ADPRM: variants seen among roughly 807,000 people sequenced by gnomAD.
ADPRM encodes ADP-ribose/CDP-alcohol diphosphatase, manganese dependent, also known as manganese-dependent ADP-ribose/CDP-alcohol diphosphatase.
Under a neutral mutation model 27.2 loss-of-function variants are expected in ADPRM, and 17 were observed. The ratio of observed to expected loss-of-function variants is 0.63; its 90% confidence interval spans 0.43 to 0.94. The LOEUF is 0.94. Ranked by LOEUF, ADPRM falls within the 40% of genes least tolerant of loss-of-function variation. The probability of loss-of-function intolerance (pLI) is 0.00; values close to 1 mark genes in which losing one functional copy is unlikely to be tolerated. For missense variants in ADPRM, 337 were observed against 412.8 expected (o/e 0.82, Z 1.59); for synonymous variants, 135 against 145.3 (o/e 0.93, Z 0.51).
rs1306959225 is a variant in ADPRM, at chr17:10,702,680, C to A, written c.-17-2230C>A. Among the ~76,000 whole-genome samples, 1 of 152,188 alleles carries A rather than the reference C, an allele frequency of 6.6e-6. No individual in the cohort carries two copies. Among genetic ancestry groups the A allele is most frequent in the Non-Finnish European group, 1.5e-5 (1 of 68,032 alleles). On this transcript the variant is annotated intron_variant, in intron 1 of 3. Coordinates refer to ENST00000379774, the MANE Select transcript of ADPRM (RefSeq NM_020233.5). This position sits in a 1 kb window ranked among gnomAD's most constrained non-coding sequence, Gnocchi z 4.2. ...TGACCCAGGTTGAGTTACATGCCTA[C>A]CCCTAACTGGCCAGAGGAAACTGGG... is the stretch of plus-strand genomic sequence containing the variant.
chr17:10,705,016 C>T lies in ADPRM; in HGVS notation c.90C>T (p.Asp30=), dbSNP rs761123314. ...TCATCGCAGATGTTCAATTTGCAGA[C>T]TTAGAAGATGGCTTTAATTTCCAAG... ...FGVIADVQFA[D]LEDGFNFQGT... The change falls in exon 2 of 4, where the codon GAC becomes GAT. Residue 30 remains aspartate, a synonymous_variant. Transcript: ENST00000379774. This position sits in a 1 kb window ranked among gnomAD's most constrained non-coding sequence, Gnocchi z 5.4. 6.2e-7 allele frequency: 1 copy of T among 1,614,160 alleles called. No individual in the cohort carries two copies. The highest frequency in any genetic ancestry group is 1.1e-5 in the South Asian group (1 of 91,084).
At chr17:10,708,429 C>CAAAAAAAAAAA (rs1206878055) in intron 3 of ADPRM, among the ~76,000 whole-genome samples, 6 of 30,580 alleles carry the variant, frequency 2.0e-4, no homozygotes, top group Admixed American at 3.2e-4. Context: ...AACTCCGTCT[C>CAAAAAAAAAAA]AAAAAAAAAA....
chr17:10,708,084 A>T (rs2074825858), intron 3 of ADPRM, among the ~76,000 whole-genome samples: 1 of 152,144 alleles, frequency 6.6e-6, no homozygotes, highest in Non-Finnish European at 1.5e-5. Context: ...CTGGGCAAAT[A>T]GCAAACCTAC....
At chr17:10,707,826 C>T (rs2074823432) in intron 3 of ADPRM, among the ~76,000 whole-genome samples, 1 of 152,168 alleles carries the variant, frequency 6.6e-6, no homozygotes, top group African/African-American at 2.4e-5. Flanking sequence ...GGGTACACTG[C>T]CATCAGAGAT....
At chr17:10,699,518 CTTTTTTTTTTTTT>C (rs781412834) in intron 1 of ADPRM, among the ~76,000 whole-genome samples, 1 of 113,340 alleles carries the variant, frequency 8.8e-6, no homozygotes, top group Non-Finnish European at 1.8e-5. Context: ...TCTTTTCTTT[CTTTTTTTTTTTTT>C]TTTTTTTTTG....
intron 1 of ADPRM, among the ~76,000 whole-genome samples, chr17:10,700,568 A>G (rs946678053): frequency 6.6e-6 from 1 of 151,336 alleles, no homozygotes; most frequent in Middle Eastern, 3.4e-3. Context: ...CCTGGGCAAC[A>G]TGGCAAAACC....
intron 3 of ADPRM, among the ~76,000 whole-genome samples, chr17:10,707,190 T>G (rs1391708089): frequency 1.3e-5 from 2 of 151,996 alleles, no homozygotes; most frequent in African/African-American, 2.4e-5. Context: ...GCCAACATGG[T>G]GAAACCCTCT....
chr17:10,707,094 G>C (rs973544247), intron 3 of ADPRM, among the ~76,000 whole-genome samples: 2 of 152,018 alleles, frequency 1.3e-5, no homozygotes, highest in African/African-American at 4.8e-5. Context: ...AGAACCCAAA[G>C]GTGAGATGAC....
intron 1 of ADPRM, among the ~76,000 whole-genome samples, chr17:10,700,732 C>G (rs991016758): frequency 1.3e-5 from 2 of 151,218 alleles, no homozygotes; most frequent in Non-Finnish European, 2.9e-5. Flanking sequence ...CCACTGCACT[C>G]CAGCTTGCGC....
In ADPRM at chr17:10,706,548, A is replaced by T; in HGVS notation, c.712A>T (p.Ile238Phe). ...TGACACAAACCAAGAAAAGGTGGTG[A>T]TTGTGAGTAAGTATTTAATTTATCT... Reference protein sequence around the residue: ...FSDTNQEKVVIVSHLPIYPDA... With the variant: ...FSDTNQEKVVFVSHLPIYPDA... The change falls in exon 3 of 4, where the codon ATT becomes TTT. Residue 238 changes from isoleucine (I) to phenylalanine (F), a missense_variant. By Grantham distance (21) the Ile-to-Phe change is conservative. Coordinates refer to ENST00000379774, the MANE Select transcript of ADPRM (RefSeq NM_020233.5). 1 of 1,568,948 alleles carries T rather than the reference A, an allele frequency of 6.4e-7. No homozygotes were observed. The highest frequency in any genetic ancestry group is 8.6e-7 in the Non-Finnish European group (1 of 1,161,436).
chr17:10,707,375 AAAAT>A (rs537379651), intron 3 of ADPRM, among the ~76,000 whole-genome samples: 8 of 152,272 alleles, frequency 5.3e-5, no homozygotes, highest in Non-Finnish European at 1.0e-4. Context: ...CCCTATCTCA[AAAAT>A]AAATAAATAA....
intron 1 of ADPRM, among the ~76,000 whole-genome samples, chr17:10,703,500 A>G (rs1221344728): frequency 6.6e-6 from 1 of 152,234 alleles, no homozygotes; most frequent in Non-Finnish European, 1.5e-5. Flanking sequence ...TGGATTAAAG[A>G]GTGTATCATT....
chr17:10,700,697 G>C (rs543057691), intron 1 of ADPRM, among the ~76,000 whole-genome samples: 1 of 150,814 alleles, frequency 6.6e-6, no homozygotes, highest in Non-Finnish European at 1.5e-5. Context: ...CCAGGAAGTC[G>C]AGGCTACAGT....
At chr17:10,704,281 T>C (rs935603122) in intron 1 of ADPRM, among the ~76,000 whole-genome samples, 13 of 152,188 alleles carry the variant, frequency 8.5e-5, no homozygotes, top group African/African-American at 3.1e-4. Flanking sequence ...AGTTAGTTTT[T>C]GTGCTGGATT....
chr17:10,707,724 G>A (rs1327613465), intron 3 of ADPRM, among the ~76,000 whole-genome samples: 2 of 152,218 alleles, frequency 1.3e-5, no homozygotes, highest in Non-Finnish European at 1.5e-5. Flanking sequence ...GTGTGCTACA[G>A]GCTCGGCTGG....
In ADPRM at chr17:10,705,155, G is replaced by A. The variant is rs74947284; in HGVS notation, c.229G>A (p.Asp77Asn). The change falls in exon 2 of 4, where the codon GAT (aspartate) becomes AAT (asparagine). Residue 77 changes from aspartate to asparagine, a missense_variant. Physicochemically the swap from Asp to Asn is conservative, Grantham distance 23. Coordinates refer to ENST00000379774, the MANE Select transcript of ADPRM (RefSeq NM_020233.5). The surrounding 1 kb of genome is among the most constrained non-coding windows in gnomAD (Gnocchi z 5.4). ...CCVLQLGDII[D>N]GYNAQYNASK... ...TGTCCTTCAGCTTGGAGATATCATC[G>A]ATGGATATAATGCACAGTATAATGC... The A allele has an allele frequency of 4.3e-6, 7 of 1,614,052 alleles. No individual in the cohort carries two copies. Among genetic ancestry groups the A allele is most frequent in the Middle Eastern group, 1.6e-4 (1 of 6,062 alleles).
rs191283617 is a variant in ADPRM at position 10,705,443 on chromosome 17, G to T, written c.517G>T (p.Val173Leu). ...TGCATATGACTTGAGTGTCTTGGGC[G>T]TGGATCAGTCTTCTCCAAAATACGA... Reference protein sequence around the residue: ...LDAYDLSVLGVDQSSPKYEQC... With the variant: ...LDAYDLSVLGLDQSSPKYEQC... The change falls in exon 2 of 4, where the codon GTG (valine) becomes TTG (leucine). Residue 173 changes from valine (V) to leucine (L), a missense_variant. Transcript: ENST00000379774. This position sits in a 1 kb window ranked among gnomAD's most constrained non-coding sequence, Gnocchi z 5.4. 6 of 1,613,944 alleles carry T rather than the reference G, an allele frequency of 3.7e-6. No homozygotes were observed. The highest frequency in any genetic ancestry group is 3.4e-6 in the Non-Finnish European group (4 of 1,180,024).
At chr17:10,701,213 A>G (rs2074774561) in intron 1 of ADPRM, among the ~76,000 whole-genome samples, 1 of 152,204 alleles carries the variant, frequency 6.6e-6, no homozygotes, top group Admixed American at 6.5e-5. Context: ...AACAAAGTTC[A>G]CTAAAAACTT....
At chr17:10,708,690 A>G (rs546140015) in intron 3 of ADPRM, among the ~76,000 whole-genome samples, 32 of 152,318 alleles carry the variant, frequency 2.1e-4, no homozygotes, top group African/African-American at 7.5e-4. Context: ...CTCAGAAACT[A>G]GGATACTTCT....
Sources: gnomAD v4.1 joint callset for allele counts (sites outside exome capture counted in the v4.1 genomes callset) on GRCh38, gnomAD v4.1.1 for gene constraint, Gnocchi (gnomAD v3.1) non-coding constraint, MANE v1.5 for transcripts, NCBI Gene and HGNC (gene_info 2026-07-23, HGNC 2026-07-21) for gene names.